Variants in NYAP2 observed in about 807,000 individuals in gnomAD.
NYAP2 encodes neuronal tyrosine-phosphorylated phosphoinositide-3-kinase adapter 2.
NYAP2 carries 23 observed loss-of-function variants against 50.4 expected under a neutral mutation model. The observed-to-expected ratio is 0.46, with a 90% CI of 0.33 to 0.65. The LOEUF (loss-of-function observed/expected upper bound fraction) is 0.65, where lower values mean the gene tolerates loss of function less well. NYAP2 is among the 30% of genes least tolerant of loss of function. The pLI, the probability that NYAP2 is intolerant of heterozygous loss-of-function variation, is 0.02. For synonymous variants in NYAP2, 394 were observed against 365.2 expected (o/e 1.08, Z -0.90); for missense variants, 885 against 861.0 (o/e 1.03, Z -0.35).
chr2:225,530,354 C>A (rs902056272), intron 4 of NYAP2, among the ~76,000 whole-genome samples: 1 of 152,132 alleles, frequency 6.6e-6, no homozygotes, highest in Non-Finnish European at 1.5e-5. Context: ...GAGGCCTCCA[C>A]CCTCATCCAA....
chr2:225,528,168 G>A (rs1691186888), intron 4 of NYAP2, among the ~76,000 whole-genome samples: 1 of 152,152 alleles, frequency 6.6e-6, no homozygotes, highest in Admixed American at 6.5e-5. Context: ...TTATCAGGGT[G>A]ATACTAGGAA....
At chr2:225,469,703 A>G (rs999115069) in intron 3 of NYAP2, among the ~76,000 whole-genome samples, 7 of 152,228 alleles carry the variant, frequency 4.6e-5, no homozygotes, top group Non-Finnish European at 1.0e-4. Flanking sequence ...CTTTGCAGGG[A>G]CATGGATGAA....
chr2:225,581,901 AT>A, intron 4 of NYAP2, 39 bp from the exon 5 acceptor site: 1 of 1,544,792 alleles, frequency 6.5e-7, no homozygotes, highest in Non-Finnish European at 8.8e-7. Context: ...AAACTTTCCT[AT>A]TATACTCATC....
chr2:225,469,236 T>C (rs1200477169), intron 3 of NYAP2, among the ~76,000 whole-genome samples: 1 of 152,150 alleles, frequency 6.6e-6, no homozygotes, highest in Admixed American at 6.5e-5. Context: ...AATAAGACAT[T>C]TATGCAGCCA....
chr2:225,687,477 C>A, the NYAP2 span, among the ~76,000 whole-genome samples: 1 of 152,094 alleles, frequency 6.6e-6, no homozygotes, highest in Non-Finnish European at 1.5e-5. Context: ...TTAGATCAAT[C>A]AAAAATCTCA....
intron 4 of NYAP2, among the ~76,000 whole-genome samples, chr2:225,562,918 T>C (rs545789336): frequency 6.6e-6 from 1 of 152,296 alleles, no homozygotes; most frequent in African/African-American, 2.4e-5. Flanking sequence ...TATCACATTA[T>C]CATTTGTCCT....
chr2:225,403,741 C>T (rs1228146247), intron 2 of NYAP2, among the ~76,000 whole-genome samples: 1 of 151,906 alleles, frequency 6.6e-6, no homozygotes, highest in Admixed American at 6.6e-5. Context: ...GGACCTGTGC[C>T]TATGAAGGCT....
chr2:225,665,806 C>CTAAA, the NYAP2 span, among the ~76,000 whole-genome samples: 1 of 4,426 alleles, frequency 2.3e-4, no homozygotes, highest in African/African-American at 4.4e-4. Flanking sequence ...AAGCCTCCGT[C>CTAAA]TAAAAAAAAA....
chr2:225,611,612 C>A (rs1559229485), intron 5 of NYAP2, among the ~76,000 whole-genome samples: 1 of 151,972 alleles, frequency 6.6e-6, no homozygotes, highest in East Asian at 1.9e-4. Flanking sequence ...AAAAAATCAT[C>A]TATTATATCT....
intron 3 of NYAP2, among the ~76,000 whole-genome samples, chr2:225,466,583 A>T (rs1249174124): frequency 6.6e-6 from 1 of 152,158 alleles, no homozygotes; most frequent in Non-Finnish European, 1.5e-5. Context: ...ATGATTTTCC[A>T]GTTGAAAATG....
At chr2:225,638,875 G>A (rs1433352258) in intron 6 of NYAP2, among the ~76,000 whole-genome samples, 1 of 152,262 alleles carries the variant, frequency 6.6e-6, no homozygotes, top group African/African-American at 2.4e-5. Context: ...AGAACAGGGA[G>A]AGGAGGCCAA....
the NYAP2 span, among the ~76,000 whole-genome samples, chr2:225,693,260 C>G: frequency 1.9e-4 from 29 of 152,082 alleles, no homozygotes; most frequent in Admixed American, 5.3e-4. Flanking sequence ...TTTGGATGAC[C>G]TTTGGAGCTT....
the NYAP2 span, among the ~76,000 whole-genome samples, chr2:225,663,476 T>C: frequency 9.2e-5 from 14 of 152,162 alleles, no homozygotes; most frequent in Non-Finnish European, 1.9e-4. Flanking sequence ...GTTTTCCTGT[T>C]CAGCTTCCTT....
At chr2:225,570,560 C>A (rs1278452731) in intron 4 of NYAP2, among the ~76,000 whole-genome samples, 1 of 152,102 alleles carries the variant, frequency 6.6e-6, no homozygotes, top group Non-Finnish European at 1.5e-5. Flanking sequence ...ATGCCAGATG[C>A]CTATGAAACC....
chr2:225,582,175 T>C lies in NYAP2; in HGVS notation c.758T>C (p.Leu253Pro), dbSNP rs751881095. Residue 253 changes from leucine (L) to proline (P), a missense_variant, in exon 5 of 7, where the codon CTC (leucine) becomes CCC (proline). Transcript: ENST00000636099. The surrounding 1 kb of genome is among the most constrained non-coding windows in gnomAD (Gnocchi z 7.0). ...TACATCGAGATGGTGGGGAACATTC[T>C]CAGAGACTTCAGGAAGGAGGACGAT... 9.9e-6 allele frequency: 16 copies of C among 1,613,890 alleles called. No homozygotes were observed. Among genetic ancestry groups the C allele is most frequent in the Non-Finnish European group, 5.1e-6 (6 of 1,179,900 alleles).
chr2:225,526,578 T>C (rs571043339), intron 4 of NYAP2, among the ~76,000 whole-genome samples: 1 of 152,338 alleles, frequency 6.6e-6, no homozygotes, highest in South Asian at 2.1e-4. Context: ...CATTTTTAGT[T>C]CCTTCAAATG....
chr2:225,432,197 C>T (rs1360030179), intron 3 of NYAP2, among the ~76,000 whole-genome samples: 1 of 146,004 alleles, frequency 6.8e-6, no homozygotes, highest in African/African-American at 2.6e-5. Flanking sequence ...GGGTTTCAAC[C>T]GTGTTAGCCA....
intron 3 of NYAP2, among the ~76,000 whole-genome samples, chr2:225,488,965 G>A (rs1690353002): frequency 6.6e-6 from 1 of 152,166 alleles, no homozygotes; most frequent in Non-Finnish European, 1.5e-5. Context: ...GTAAGGAAAT[G>A]AATGCTTACC....
intron 5 of NYAP2, among the ~76,000 whole-genome samples, chr2:225,603,858 T>C (rs1234124474): frequency 6.6e-6 from 1 of 152,180 alleles, no homozygotes; most frequent in Non-Finnish European, 1.5e-5. Flanking sequence ...CATTTGTCAC[T>C]TTCGCTGATT....
Sources: allele counts gnomAD v4.1 joint callset (sites outside exome capture counted in the v4.1 genomes callset), GRCh38; gene constraint gnomAD v4.1.1; non-coding constraint Gnocchi (gnomAD v3.1); transcripts MANE v1.5; gene names NCBI Gene and HGNC (gene_info 2026-07-23, HGNC 2026-07-21).